TENM3: variants seen among roughly 807,000 people sequenced by gnomAD.
TENM3 encodes teneurin transmembrane protein 3.
A neutral mutation model predicts 255.1 loss-of-function variants in TENM3; 63 were observed. The observed-to-expected ratio is 0.25, with a 90% CI of 0.20 to 0.30. TENM3 has a LOEUF of 0.30. TENM3 is among the 10% of genes least tolerant of loss of function. The pLI is 1.00. For synonymous variants in TENM3, 1,306 were observed against 1,322.3 expected, an observed-to-expected ratio of 0.99 and a Z score of 0.27; for missense variants, 2,929 against 3,461.1, an observed-to-expected ratio of 0.85 and a Z score of 3.86.
At chr4:181,919,909 G>C in the TENM3 span, among the ~76,000 whole-genome samples, 1 of 116,520 alleles carries the variant, frequency 8.6e-6, no homozygotes, top group Admixed American at 1.2e-4. Context: ...ACAATCCCCG[G>C]AGTGTGATGT....
the TENM3 span, among the ~76,000 whole-genome samples, chr4:181,839,920 T>C: frequency 6.6e-6 from 1 of 152,006 alleles, no homozygotes; most frequent in African/African-American, 2.4e-5. Context: ...AATAAATTGA[T>C]TGACGTCTTT....
rs1024263725 is a variant in TENM3, at chr4:182,799,048, C to T, written c.7345-548C>T. ...GCCCCACCTTCCACTCATCCCTGTACATTTCAGTTCTGCGGTTACACTCAC... is the reference window on the plus strand; with the variant it reads ...GCCCCACCTTCCACTCATCCCTGTATATTTCAGTTCTGCGGTTACACTCAC... On this transcript the variant is annotated intron_variant, in intron 27 of 27. Transcript: ENST00000511685. This position sits in a 1 kb window ranked among gnomAD's most constrained non-coding sequence, Gnocchi z 4.2. 2.0e-5 allele frequency among the ~76,000 whole-genome samples: 3 copies of T among 152,238 alleles called. No homozygotes were observed. The highest frequency in any genetic ancestry group is 4.4e-5 in the Non-Finnish European group (3 of 68,040).
chr4:181,880,366 AAC>A, the TENM3 span, among the ~76,000 whole-genome samples: 3 of 152,228 alleles, frequency 2.0e-5, no homozygotes, highest in Non-Finnish European at 4.4e-5. Context: ...AAATATCAAT[AAC>A]ACATGCAAAT....
intron 1 of TENM3, among the ~76,000 whole-genome samples, chr4:182,314,022 G>A (rs1022257850): frequency 1.1e-4 from 17 of 152,242 alleles, no homozygotes; most frequent in African/African-American, 4.1e-4. Flanking sequence ...TTAAAAGAGG[G>A]CACGGGCTGG....
chr4:181,949,520 C>T, the TENM3 span, among the ~76,000 whole-genome samples: 1 of 152,176 alleles, frequency 6.6e-6, no homozygotes, highest in African/African-American at 2.4e-5. Flanking sequence ...ATCAGACCTC[C>T]CTTTCTTTCA....
At chr4:182,001,318 C>T in the TENM3 span, among the ~76,000 whole-genome samples, 1 of 151,976 alleles carries the variant, frequency 6.6e-6, no homozygotes, top group Non-Finnish European at 1.5e-5. Flanking sequence ...GGTGGTCTTT[C>T]GAAATTCTCA....
chr4:182,258,260 C>T (rs899617923), intron 1 of TENM3, among the ~76,000 whole-genome samples: 3 of 152,030 alleles, frequency 2.0e-5, no homozygotes, highest in Admixed American at 1.3e-4. Context: ...TAGTGGTAAA[C>T]AAATTTAATG....
chr4:181,497,212 C>T, the TENM3 span, among the ~76,000 whole-genome samples: 1 of 152,164 alleles, frequency 6.6e-6, no homozygotes, highest in African/African-American at 2.4e-5. Context: ...GAGGCACACA[C>T]ATAGACACAT....
At chr4:181,760,152 G>A in the TENM3 span, among the ~76,000 whole-genome samples, 1 of 151,926 alleles carries the variant, frequency 6.6e-6, no homozygotes, top group Non-Finnish European at 1.5e-5. Context: ...CTGACCATAA[G>A]CCAGTTAAAC....
At chr4:182,260,877 C>T (rs1243837223) in intron 1 of TENM3, among the ~76,000 whole-genome samples, 1 of 151,946 alleles carries the variant, frequency 6.6e-6, no homozygotes, top group East Asian at 1.9e-4. Flanking sequence ...TCATTATTTT[C>T]TTTCTTTTTT....
chr4:181,873,741 GGTGTGTGTGTGT>G, the TENM3 span, among the ~76,000 whole-genome samples: 29 of 148,878 alleles, frequency 1.9e-4, no homozygotes, highest in African/African-American at 7.2e-4. Context: ...TCTTGAGTAT[GGTGTGTGTGTGT>G]GTGTGTGTGT....
the TENM3 span, among the ~76,000 whole-genome samples, chr4:182,036,345 C>A: frequency 6.6e-6 from 1 of 152,152 alleles, no homozygotes; most frequent in African/African-American, 2.4e-5. Flanking sequence ...CGCCCGCCAC[C>A]ATGCCCGGCT....
At chr4:182,360,018 G>T (rs1444217034) in intron 3 of TENM3, among the ~76,000 whole-genome samples, 5 of 152,108 alleles carry the variant, frequency 3.3e-5, no homozygotes, top group African/African-American at 7.2e-5. Context: ...AGTTTCCATG[G>T]AGTTGAGCGG....
At chr4:181,694,770 C>T in the TENM3 span, among the ~76,000 whole-genome samples, 1 of 152,188 alleles carries the variant, frequency 6.6e-6, no homozygotes, top group African/African-American at 2.4e-5. Context: ...TTCAACCCAA[C>T]TTTCTCCCTT....
intron 3 of TENM3, among the ~76,000 whole-genome samples, chr4:182,372,190 C>T (rs563879223): frequency 6.6e-6 from 1 of 152,206 alleles, no homozygotes; most frequent in South Asian, 2.1e-4. Flanking sequence ...CTAGCAGGCA[C>T]AAATCATTAG....
chr4:182,585,051 T>A (rs1002831411), intron 3 of TENM3, among the ~76,000 whole-genome samples: 2 of 152,200 alleles, frequency 1.3e-5, no homozygotes, highest in African/African-American at 4.8e-5. Flanking sequence ...CTTTTTTTCC[T>A]AAAAGAAATA....
At chr4:182,135,204 CAAAAAAA>C in the TENM3 span, among the ~76,000 whole-genome samples, 5 of 81,564 alleles carry the variant, frequency 6.1e-5, no homozygotes, top group Non-Finnish European at 8.4e-5. Flanking sequence ...GACTCGGTCT[CAAAAAAA>C]AAAAAAAAAA....
chr4:181,768,553 A>G, the TENM3 span, among the ~76,000 whole-genome samples: 2 of 152,240 alleles, frequency 1.3e-5, no homozygotes, highest in African/African-American at 4.8e-5. Flanking sequence ...AAAATGTTAG[A>G]TAAATTCAAT....
At chr4:181,637,416 ATACCCACTCCT>A in the TENM3 span, among the ~76,000 whole-genome samples, 4 of 152,182 alleles carry the variant, frequency 2.6e-5, no homozygotes, top group Non-Finnish European at 5.9e-5. Context: ...GTGGAAATTT[ATACCCACTCCT>A]TAAGCCAGAA....
Sources: gnomAD v4.1 joint callset for allele counts (sites outside exome capture counted in the v4.1 genomes callset) on GRCh38, gnomAD v4.1.1 for gene constraint, Gnocchi (gnomAD v3.1) non-coding constraint, MANE v1.5 for transcripts, NCBI Gene and HGNC (gene_info 2026-07-23, HGNC 2026-07-21) for gene names.